CABIN1: variants seen among roughly 807,000 people sequenced by gnomAD.
CABIN1 encodes the protein calcineurin-binding protein cabin-1.
Under a neutral mutation model 227.7 loss-of-function variants are expected in CABIN1, and 133 were observed. The ratio of observed to expected loss-of-function variants is 0.58; its 90% CI spans 0.51 to 0.67. The LOEUF is 0.67. CABIN1 is among the 30% of genes least tolerant of loss of function. The pLI is 0.00. For synonymous variants in CABIN1, 1,086 were observed against 1,155.1 expected, an observed-to-expected ratio of 0.94 and a Z score of 1.21; for missense variants, 2,408 against 2,852.5, an observed-to-expected ratio of 0.84 and a Z score of 3.55.
At chr22:24,035,401 C>A in intron 1 of CABIN1, 43 bp from the exon 2 acceptor site, 1 of 1,387,512 alleles carries the variant, frequency 7.2e-7, no homozygotes, top group Non-Finnish European at 1.0e-6. Flanking sequence ...ACCTTCCTGG[C>A]TCTTCATAGG....
At chr22:24,145,381 G>C (rs1397936429) in intron 29 of CABIN1, among the ~76,000 whole-genome samples, 1 of 152,182 alleles carries the variant, frequency 6.6e-6, no homozygotes. Context: ...ATGGCTTGTT[G>C]AATTCTCATA....
rs894855290 is a variant in CABIN1, at chr22:24,178,452, G to A, written c.*256G>A. The A allele has an allele frequency of 1.5e-5, 8 of 531,664 alleles. No homozygotes were observed. The highest frequency in any genetic ancestry group is 3.2e-5 in the Admixed American group (1 of 31,562). The allele number at this position is 531,664 out of a possible 1,614,324, so 32.9% of individuals were successfully genotyped here. On this transcript the variant is annotated 3_prime_UTR_variant, in exon 37 of 37. Transcript: ENST00000263119. ...ATTGGTCGCCATCTGCACGCCAGGC[G>A]GCATCCTTTTCTATGAAGTGTTGAC...
chr22:24,018,048 T>C (rs1315295540), intron 1 of CABIN1, among the ~76,000 whole-genome samples: 1 of 151,822 alleles, frequency 6.6e-6, no homozygotes, highest in Non-Finnish European at 1.5e-5. Context: ...AGAGATGGAG[T>C]CTCTCTGTGT....
At chr22:24,072,233 G>T in intron 17 of CABIN1, 121 bp from the exon 18 acceptor site, 1 of 935,484 alleles carries the variant, frequency 1.1e-6, no homozygotes. Context: ...CCACATCTGA[G>T]CAGTGGGGGT....
chr22:24,113,879 C>A, intron 27 of CABIN1, 131 bp downstream of exon 27: 1 of 964,926 alleles, frequency 1.0e-6, no homozygotes, highest in Non-Finnish European at 1.6e-6. Context: ...CATTTTTCTC[C>A]CTGTAGGATG....
Position 24,071,007 on chromosome 22 carries a change from A to T in CABIN1, c.2440A>T (p.Thr814Ser). ...CATCCTGAAGGTATCATCCTCCACCACTGGCCTTGTGCGGCTCACCAACAA... is the reference window on the plus strand; with the variant it reads ...CATCCTGAAGGTATCATCCTCCACCTCTGGCCTTGTGCGGCTCACCAACAA... ...GSILKVSSSTTGLVRLTNNLI... is the reference protein window; with the variant it reads ...GSILKVSSSTSGLVRLTNNLI... The change falls in exon 17 of 37, where the codon ACT becomes TCT. Residue 814 changes from threonine (T) to serine (S), a missense_variant. This residue lies in a region of CABIN1 where 1,045 missense variants were observed against 1,168.4 expected (regional missense o/e 0.89). Transcript: ENST00000263119. The T allele has an allele frequency of 1.2e-6, 2 of 1,614,116 alleles. No homozygotes were observed. The highest frequency in any genetic ancestry group is 1.1e-5 in the South Asian group (1 of 91,076).
chr22:24,046,063 C>T (rs1202265969), intron 6 of CABIN1, among the ~76,000 whole-genome samples: 1 of 152,138 alleles, frequency 6.6e-6, no homozygotes, highest in Non-Finnish European at 1.5e-5. Flanking sequence ...CTTGATTTCT[C>T]CTTTTTGTCA....
intron 33 of CABIN1, among the ~76,000 whole-genome samples, chr22:24,170,522 C>G (rs1341181271): frequency 6.6e-6 from 1 of 152,196 alleles, no homozygotes; most frequent in Non-Finnish European, 1.5e-5. Flanking sequence ...GGTATTGCCG[C>G]AGGCCCGCAG....
intron 5 of CABIN1, among the ~76,000 whole-genome samples, chr22:24,042,642 T>C (rs1156321365): frequency 6.6e-6 from 1 of 152,198 alleles, no homozygotes; most frequent in African/African-American, 2.4e-5. Context: ...TAACTTTTTA[T>C]ATGCCATTAT....
intron 15 of CABIN1, among the ~76,000 whole-genome samples, chr22:24,066,004 G>A (rs2039647988): frequency 1.3e-5 from 2 of 152,248 alleles, no homozygotes; most frequent in African/African-American, 4.8e-5. Flanking sequence ...GAAAGAGAGG[G>A]AGAGAGAGAC....
chr22:24,130,607 C>A (rs141980797), intron 28 of CABIN1, among the ~76,000 whole-genome samples: 21 of 152,232 alleles, frequency 1.4e-4, no homozygotes, highest in African/African-American at 4.8e-4. Context: ...GATCCCCTTC[C>A]CCCTTGCAGA....
intron 33 of CABIN1, among the ~76,000 whole-genome samples, chr22:24,170,795 C>T (rs1321914700): frequency 1.5e-5 from 2 of 133,014 alleles, no homozygotes; most frequent in African/African-American, 2.8e-5. Context: ...TACCTGCAGG[C>T]GTGTGACTCT....
In CABIN1 at chr22:24,037,389, A is replaced by G. The variant is rs143960730; in HGVS notation, c.97-959A>G. ...ATGGTCACAGCTCATTGTAACCTCT[A>G]ACTCCTGGGCTCAAGCAGTCTTCCT... On this transcript the variant is annotated intron_variant, in intron 3 of 36. Coordinates refer to ENST00000263119, the MANE Select transcript of CABIN1 (RefSeq NM_012295.4). Among the ~76,000 whole-genome samples, 3 of 152,096 alleles carry G rather than the reference A, an allele frequency of 2.0e-5. No individual in the cohort carries two copies. In the East Asian group the frequency reaches 5.8e-4, roughly 30 times the overall value.
At chr22:24,085,190 A>G (rs889696090) in intron 22 of CABIN1, 39 bp downstream of exon 22, 6 of 1,612,610 alleles carry the variant, frequency 3.7e-6, no homozygotes, top group Non-Finnish European at 5.1e-6. Context: ...GGCTGCAGGG[A>G]TGACTGGGGT....
At chr22:24,165,703 C>G in intron 31 of CABIN1, 77 bp downstream of exon 31, 1 of 1,200,510 alleles carries the variant, frequency 8.3e-7, no homozygotes, top group East Asian at 2.4e-5. Flanking sequence ...TGGGCCCGAT[C>G]CCTCTATTTG....
chr22:24,094,228 C>A (rs2041737005), intron 24 of CABIN1, among the ~76,000 whole-genome samples: 1 of 152,212 alleles, frequency 6.6e-6, no homozygotes, highest in African/African-American at 2.4e-5. Context: ...CTACGTGTGG[C>A]CCTCAGGAAG....
intron 33 of CABIN1, among the ~76,000 whole-genome samples, chr22:24,169,077 G>A (rs1484414212): frequency 6.6e-6 from 1 of 152,062 alleles, no homozygotes; most frequent in African/African-American, 2.4e-5. Context: ...GGGGAGGGGG[G>A]GGCGGGGTCC....
chr22:24,079,886 A>G (rs2040695899), intron 19 of CABIN1, among the ~76,000 whole-genome samples: 1 of 151,872 alleles, frequency 6.6e-6, no homozygotes, highest in Non-Finnish European at 1.5e-5. Context: ...ATTTCTGTGC[A>G]CCTTTATGTG....
Position 24,166,895 on chromosome 22 carries a change from C to T in CABIN1, c.5264C>T (p.Ala1755Val), listed in dbSNP as rs750354214. Residue 1755 changes from alanine to valine, a missense_variant, in exon 32 of 37, where the codon GCA (alanine) becomes GTA (valine). Ala to Val is a moderately conservative substitution (Grantham distance 64). Around this residue, in one of 3 missense-constraint regions of CABIN1, gnomAD observed 714 missense variants for 773.8 expected, o/e 0.92. Coordinates refer to ENST00000263119, the MANE Select transcript of CABIN1 (RefSeq NM_012295.4). ...CGGAAGGATAAAGAGAGCCCACGGGCAGGGCCCACTGAGCCCATGGACACG... is the reference window on the plus strand; with the variant it reads ...CGGAAGGATAAAGAGAGCCCACGGGTAGGGCCCACTGAGCCCATGGACACG... ...GERKDKESPR[A>V]GPTEPMDTSE... The T allele has an allele frequency of 1.9e-6, 3 of 1,609,380 alleles. No individual in the cohort carries two copies. Among genetic ancestry groups the T allele is most frequent in the Non-Finnish European group, 2.5e-6 (3 of 1,178,332 alleles).
Sources: allele counts gnomAD v4.1 joint callset (sites outside exome capture counted in the v4.1 genomes callset), GRCh38; gene constraint gnomAD v4.1.1; regional missense constraint gnomAD v4.1.1; transcripts MANE v1.5; gene names NCBI Gene and HGNC (gene_info 2026-07-23, HGNC 2026-07-21).